Variants in KIF7 observed in about 807,000 individuals in gnomAD.
KIF7 encodes kinesin family member 7, also known as kinesin-like protein KIF7.
A neutral mutation model predicts 135.7 loss-of-function variants in KIF7; 104 were observed. That is an observed-to-expected ratio of 0.77 (90% CI 0.65 to 0.90). The LOEUF is 0.90. Ranked by LOEUF, KIF7 falls within the 40% of genes least tolerant of loss-of-function variation. KIF7 has a pLI of 0.00. For missense variants in KIF7, 2,005 were observed against 1,839.1 expected, an observed-to-expected ratio of 1.09 and a Z score of -1.65; for synonymous variants, 883 against 809.4, an observed-to-expected ratio of 1.09 and a Z score of -1.54.
At chr15:89,628,835 T>C in intron 18 of KIF7, 49 bp from the exon 19 acceptor site, 1 of 1,611,550 alleles carries the variant, frequency 6.2e-7, no homozygotes. Flanking sequence ...GGCAACACCT[T>C]CCCGAAGCCC....
rs1963586330 is a variant in KIF7, at chr15:89,628,539, C to T, written c.3912G>A (p.Gly1304=). 1.2e-6 allele frequency: 2 copies of T among 1,613,288 alleles called. No homozygotes were observed. The highest frequency in any genetic ancestry group is 1.7e-6 in the Non-Finnish European group (2 of 1,179,970). ...CTGCCTCACCCACAGGAAGCACCCGCCCCACCAGGGGCTCAGCCGCCTCCC... is the reference window on the plus strand; with the variant it reads ...CTGCCTCACCCACAGGAAGCACCCGTCCCACCAGGGGCTCAGCCGCCTCCC... ...RQREAAEPLV[G]RVLPVGEAGL... Residue 1304 remains glycine, a synonymous_variant, in exon 19 of 19, where the codon GGG becomes GGA. Coordinates refer to ENST00000394412, the MANE Select transcript of KIF7 (RefSeq NM_198525.3).
chr15:89,656,173 T>C (rs1400979370), upstream of KIF7, among the ~76,000 whole-genome samples: 2 of 152,158 alleles, frequency 1.3e-5, no homozygotes, highest in African/African-American at 4.8e-5. Flanking sequence ...CCATAGAAAT[T>C]GCCAGGCTCG....
At chr15:89,646,772 C>T in intron 7 of KIF7, 58 bp downstream of exon 7, 2 of 1,528,158 alleles carry the variant, frequency 1.3e-6, no homozygotes, top group South Asian at 1.1e-5. Context: ...CCTTCCCCTG[C>T]CCCGAACTTG....
chr15:89,624,176 T>A (rs1306325260), downstream of KIF7: 4 of 1,613,852 alleles, frequency 2.5e-6, no homozygotes, highest in Non-Finnish European at 3.4e-6. Flanking sequence ...GATAAAGCTA[T>A]CAAAACTCCA....
At chr15:89,625,276 AC>A (rs1567053830), downstream of KIF7, 3 of 1,613,004 alleles carry the variant, frequency 1.9e-6, no homozygotes, top group Non-Finnish European at 2.5e-6. Context: ...CCCTTCTAGT[AC>A]CCCCTCTCCA....
chr15:89,624,698 A>G (rs749187405), downstream of KIF7: 6 of 1,614,108 alleles, frequency 3.7e-6, no homozygotes, highest in Non-Finnish European at 5.1e-6. Flanking sequence ...GACACAGAGC[A>G]TGTCACTCTC....
In KIF7 at chr15:89,621,964, T is replaced by C. The variant is rs1008055025; in HGVS notation, c.181-3769A>G. On this transcript the variant is annotated intron_variant and NMD_transcript_variant, in intron 1 of 2. Transcript: ENST00000558928. ...AGCCAATCAGTCGAGTCCTGCCCAT[T>C]TTATTTACAAACTGACTCTTTTTTT... is the stretch of plus-strand genomic sequence containing the variant. Among the ~76,000 whole-genome samples the C allele has an allele frequency of 2.0e-5, 3 of 150,958 alleles. No homozygotes were observed. The South Asian group carries it at 6.2e-4, about 31-fold the overall frequency.
chr15:89,647,055 G>C lies in KIF7; in HGVS notation c.1563C>G (p.Ser521Arg). 6.3e-7 allele frequency: 1 copy of C among 1,584,206 alleles called. No individual in the cohort carries two copies. The highest frequency in any genetic ancestry group is 1.1e-5 in the South Asian group (1 of 88,294). The change falls in exon 7 of 19, where the codon AGC (serine) becomes AGG (arginine). Residue 521 changes from serine to arginine, a missense_variant and splice_region_variant. By Grantham distance (110) the Ser-to-Arg change is moderately radical. Coordinates refer to ENST00000394412, the MANE Select transcript of KIF7 (RefSeq NM_198525.3). ...EDAMEQYKLQSDRLREQQEEM... is the reference protein window; with the variant it reads ...EDAMEQYKLQRDRLREQQEEM... ...CCTCCTGCTGCTCACGCAGCCGGTC[G>C]CTCTGCAAGACATGGTCCAGGTGCC...
chr15:89,622,715 C>T (rs1410045296), intron 1 of KIF7, among the ~76,000 whole-genome samples: 6 of 152,208 alleles, frequency 3.9e-5, no homozygotes, highest in Non-Finnish European at 8.8e-5. Flanking sequence ...TCCACCTCCC[C>T]AGCAACATCA....
chr15:89,648,869 T>A, intron 4 of KIF7, 95 bp from the exon 5 acceptor site: 1 of 1,465,782 alleles, frequency 6.8e-7, no homozygotes, highest in East Asian at 2.5e-5. Flanking sequence ...GCGGTTCCCG[T>A]GGGCTGGAGA....
At chr15:89,620,366 G>A (rs576905576) in intron 1 of KIF7, among the ~76,000 whole-genome samples, 10 of 152,106 alleles carry the variant, frequency 6.6e-5, no homozygotes, top group Non-Finnish European at 1.3e-4. Flanking sequence ...GCACCACCAC[G>A]CCCAGCTGAT....
At chr15:89,652,483 C>T in intron 2 of KIF7, 120 bp downstream of exon 2, 1 of 807,416 alleles carries the variant, frequency 1.2e-6, no homozygotes, top group Non-Finnish European at 1.9e-6. Flanking sequence ...AGGAAATCGA[C>T]TCTTCCTCCC....
rs116823950 is a variant in KIF7 at position 89,642,262 on chromosome 15, C to G, written c.2335G>C (p.Glu779Gln). Reference sequence around the variant, plus strand: ...CGGAACTCCTGGAGCCGAGACCGCTCGCCAGCATCCTGGAGCTCCTTGCCC... The same window carrying G: ...CGGAACTCCTGGAGCCGAGACCGCTGGCCAGCATCCTGGAGCTCCTTGCCC... The part of the protein sequence containing the change: ...LEGKELQDAG[E>Q]RSRLQEFRRR... Residue 779 changes from glutamate (E) to glutamine (Q), a missense_variant, in exon 11 of 19, where the codon GAG becomes CAG. By Grantham distance (29) the Glu-to-Gln change is conservative (BLOSUM62 2). Transcript: ENST00000394412. 4.6e-4 allele frequency: 737 copies of G among 1,610,384 alleles called. 2 individuals carry two copies. In the African/African-American group the frequency reaches 8.7e-3, roughly 19 times the overall value.
chr15:89,629,179 A>G, intron 17 of KIF7, 57 bp from the exon 18 acceptor site: 1 of 938,934 alleles, frequency 1.1e-6, no homozygotes, highest in Non-Finnish European at 1.4e-6. Flanking sequence ...GCAGGCGGCC[A>G]GGGCTGTGGG....
chr15:89,619,635 G>C, intron 1 of KIF7: 2 of 1,524,070 alleles, frequency 1.3e-6, no homozygotes, highest in Non-Finnish European at 1.8e-6. Flanking sequence ...AATTTTGCCC[G>C]GTTTTGGACA....
At position 89,628,224 on chromosome 15, in the gene KIF7, T is replaced by C. The variant is rs1224715827; in HGVS notation, c.*195A>G. ...CTTCATGGAAGTAAGTGGTGGGAAT[T>C]TGCATATTATTTTGTTAAATGAGGG... On this transcript the variant is annotated 3_prime_UTR_variant, in exon 19 of 19. Transcript: ENST00000394412. 15 of 590,846 alleles carry C rather than the reference T, an allele frequency of 2.5e-5. No homozygotes were observed. In the East Asian group the frequency reaches 3.9e-4, roughly 15 times the overall value. 36.6% of individuals were successfully genotyped at this position (590,846 alleles called of 1,614,324 possible).
downstream of KIF7, chr15:89,623,684 C>G (rs1567052610): frequency 2.5e-6 from 4 of 1,614,056 alleles, no homozygotes; most frequent in Non-Finnish European, 3.4e-6. Flanking sequence ...AGAAGGATCT[C>G]TCATACACCA....
intron 11 of KIF7, among the ~76,000 whole-genome samples, chr15:89,639,031 G>C (rs1273680235): frequency 1.3e-5 from 2 of 151,876 alleles, no homozygotes; most frequent in East Asian, 3.9e-4. Context: ...CCTGAGAAAA[G>C]CAATGGGGAA....
At chr15:89,652,214 C>G (rs1007458045) in intron 2 of KIF7, among the ~76,000 whole-genome samples, 1 of 152,182 alleles carries the variant, frequency 6.6e-6, no homozygotes, top group African/African-American at 2.4e-5. Flanking sequence ...GTATCCAAAG[C>G]AGCCTCTTCC....
Sources: gnomAD v4.1 joint callset for allele counts (sites outside exome capture counted in the v4.1 genomes callset) on GRCh38, gnomAD v4.1.1 for gene constraint, MANE v1.5 for transcripts, NCBI Gene and HGNC (gene_info 2026-07-23, HGNC 2026-07-21) for gene names.